Variants in POU2F2 observed in about 807,000 individuals in gnomAD.
POU2F2 encodes the protein POU domain, class 2, transcription factor 2.
A neutral mutation model predicts 63.5 loss-of-function variants in POU2F2; 14 were observed. That is an observed-to-expected ratio of 0.22 (90% CI 0.15 to 0.34). The LOEUF is 0.34. POU2F2 is among the 10% of genes least tolerant of loss of function. The pLI, the probability that POU2F2 is intolerant of heterozygous loss-of-function variation, is 1.00. For synonymous variants in POU2F2, 306 were observed against 348.6 expected (o/e 0.88, Z 1.36); for missense variants, 607 against 815.2 (o/e 0.74, Z 3.11).
intron 1 of POU2F2, among the ~76,000 whole-genome samples, chr19:42,166,886 A>T (rs1261187738): frequency 6.6e-6 from 1 of 152,086 alleles, no homozygotes; most frequent in Non-Finnish European, 1.5e-5. Flanking sequence ...TACCTCCACC[A>T]TTATATTGGG....
chr19:42,153,686 T>C lies in POU2F2; in HGVS notation c.-9+6646A>G, dbSNP rs1362414082. ...GTGTCTATGTGATGCTGTGTGTCCC[T>C]GTGTGCCGATGGTCGAGTGTGTTTC... On this transcript the variant is annotated intron_variant, in intron 2 of 6. Transcript: ENST00000524801. The surrounding 1 kb of genome is among the most constrained non-coding windows in gnomAD (Gnocchi z 5.6). Among the ~76,000 whole-genome samples, 1 of 152,138 alleles carries C rather than the reference T, an allele frequency of 6.6e-6. No individual in the cohort carries two copies. Among genetic ancestry groups the C allele is most frequent in the Non-Finnish European group, 1.5e-5 (1 of 68,008 alleles).
chr19:42,142,853 T>C (rs1327443920), intron 2 of POU2F2, among the ~76,000 whole-genome samples: 4 of 152,228 alleles, frequency 2.6e-5, no homozygotes, highest in African/African-American at 9.6e-5. Flanking sequence ...CATGAGCCAC[T>C]GTGCCTGGCC....
At chr19:42,194,618 G>C (rs1424629047) in intron 1 of POU2F2, among the ~76,000 whole-genome samples, 1 of 151,690 alleles carries the variant, frequency 6.6e-6, no homozygotes, top group Admixed American at 6.6e-5. Flanking sequence ...AATTAGCCGA[G>C]TATGGTGGCA....
intron 5 of POU2F2, among the ~76,000 whole-genome samples, chr19:42,101,073 T>C (rs1427275386): frequency 6.6e-6 from 1 of 152,150 alleles, no homozygotes; most frequent in African/African-American, 2.4e-5. Context: ...GTCTCTGCAC[T>C]GCAGCCTGGG....
At chr19:42,154,067 G>A (rs1460926539) in intron 2 of POU2F2, among the ~76,000 whole-genome samples, 1 of 150,796 alleles carries the variant, frequency 6.6e-6, no homozygotes, top group East Asian at 1.9e-4. Flanking sequence ...AGCGACCTCC[G>A]TCCCTCCCAA....
chr19:42,178,469 A>C (rs2034922536), upstream of POU2F2, among the ~76,000 whole-genome samples: 1 of 152,230 alleles, frequency 6.6e-6, no homozygotes, highest in Non-Finnish European at 1.5e-5. Context: ...AGAGATAGGA[A>C]GACATAGAGA....
intron 2 of POU2F2, among the ~76,000 whole-genome samples, chr19:42,141,849 A>C (rs1366252494): frequency 2.0e-5 from 3 of 152,160 alleles, no homozygotes; most frequent in Non-Finnish European, 4.4e-5. Flanking sequence ...CACTAACTAC[A>C]TCAAGATTTG....
At chr19:42,108,391 G>A (rs2030491345) in intron 5 of POU2F2, among the ~76,000 whole-genome samples, 1 of 152,122 alleles carries the variant, frequency 6.6e-6, no homozygotes, top group South Asian at 2.1e-4. Context: ...AGGAGTTCCA[G>A]ACCAGCCTGG....
rs1226973737 is a variant in POU2F2 at position 42,087,942 on chromosome 19, G to A, written c.*3315C>T. ...TAGTTTTGTTTCCCGGAGTCGAGACGGGGGACCAGAGTGTAAGGGGCAGAT... is the reference window on the plus strand; with the variant it reads ...TAGTTTTGTTTCCCGGAGTCGAGACAGGGGACCAGAGTGTAAGGGGCAGAT... On this transcript the variant is annotated 3_prime_UTR_variant, in exon 15 of 15. Coordinates refer to ENST00000692977, the MANE Select transcript of POU2F2 (RefSeq NM_001394376.1). 6.6e-6 allele frequency: 1 copy of A among 152,264 alleles called. No individual in the cohort carries two copies. Among genetic ancestry groups the A allele is most frequent in the African/African-American group, 2.4e-5 (1 of 41,400 alleles). 9.4% of individuals were successfully genotyped at this position (152,264 alleles called of 1,614,324 possible). A position where few individuals can be genotyped will look rare whatever the true frequency, so the allele number is the denominator to read the frequency against.
intron 1 of POU2F2, among the ~76,000 whole-genome samples, chr19:42,125,444 T>C (rs1027306539): frequency 6.6e-6 from 1 of 151,828 alleles, no homozygotes; most frequent in African/African-American, 2.4e-5. Flanking sequence ...CAGGTCCTGT[T>C]TCCTGGCCCT....
At chr19:42,149,207 C>A (rs2034291320) in intron 2 of POU2F2, among the ~76,000 whole-genome samples, 1 of 152,148 alleles carries the variant, frequency 6.6e-6, no homozygotes, top group Non-Finnish European at 1.5e-5. Flanking sequence ...TTGAGCAAAG[C>A]CACACAGCGC....
chr19:42,132,136 C>G (rs2033796899), intron 1 of POU2F2, among the ~76,000 whole-genome samples: 1 of 152,192 alleles, frequency 6.6e-6, no homozygotes. Flanking sequence ...CTCCCGTCCC[C>G]AGACCCTTCG....
In POU2F2 at chr19:42,086,730, T is replaced by TATAA. The variant is rs530557403; in HGVS notation, c.*4523_*4526dup. On this transcript the variant is annotated 3_prime_UTR_variant, in exon 15 of 15. Coordinates refer to ENST00000692977, the MANE Select transcript of POU2F2 (RefSeq NM_001394376.1). Reference sequence around the variant, plus strand: ...GAGGCCCCCAGTCACCCTGCAATTATATAAATAAATAAATACTGAGCCCCT... The same window carrying TATAA: ...GAGGCCCCCAGTCACCCTGCAATTATATAAATAAATAAATAAATACTGAGCCCCT... 1 of 151,900 alleles carries TATAA rather than the reference T, an allele frequency of 6.6e-6. No individual in the cohort carries two copies. The highest frequency in any genetic ancestry group is 6.6e-5 in the Admixed American group (1 of 15,234). The allele number at this position is 151,900 out of a possible 1,614,324, so 9.4% of individuals were successfully genotyped here. A position where few individuals can be genotyped will look rare whatever the true frequency, so the allele number is the denominator to read the frequency against.
chr19:42,150,606 T>C (rs1258157125), intron 2 of POU2F2, among the ~76,000 whole-genome samples: 2 of 142,688 alleles, frequency 1.4e-5, no homozygotes, highest in Admixed American at 1.4e-4. Context: ...GCGGCCGGCC[T>C]TCGCAGCGAC....
Position 42,122,190 on chromosome 19 carries a change from G to A in POU2F2, c.130-8C>T, listed in dbSNP as rs377595435. The A allele has an allele frequency of 1.9e-6, 3 of 1,611,326 alleles. No individual in the cohort carries two copies. The highest frequency in any genetic ancestry group is 2.7e-5 in the African/African-American group (2 of 74,962). ...GGTCTTATTTTGGGGGTTCTGCAAA[G>A]AGAAAGTAGGAGCAAGGGGATGGGA... On this transcript the variant is annotated splice_polypyrimidine_tract_variant and splice_region_variant and intron_variant, in intron 3 of 14. Coordinates refer to ENST00000692977, the MANE Select transcript of POU2F2 (RefSeq NM_001394376.1).
In POU2F2 at chr19:42,173,875, T is replaced by G. The variant is rs551742588; in HGVS notation, c.-70+2088A>C. Among the ~76,000 whole-genome samples the G allele has an allele frequency of 2.0e-5, 3 of 152,264 alleles. No homozygotes were observed. In the South Asian group the frequency reaches 6.2e-4, roughly 32 times the overall value. ...ATGGGCCTCTGTCCAGCATTACCCA[T>G]AAATCAGGAAGTAGATGTGGAATCG... On this transcript the variant is annotated intron_variant, in intron 1 of 6. Coordinates refer to the POU2F2 transcript ENST00000524801.
intron 14 of POU2F2, 121 bp downstream of exon 14, chr19:42,091,746 T>C: frequency 6.5e-7 from 1 of 1,549,892 alleles, no homozygotes; most frequent in Non-Finnish European, 8.7e-7. Context: ...GAGATGGGTA[T>C]GAAGAGGCAA....
In POU2F2 at chr19:42,113,334, A is replaced by C. The variant is rs1007957056; in HGVS notation, c.369+3916T>G. On this transcript the variant is annotated intron_variant, in intron 5 of 14. Coordinates refer to ENST00000692977, the MANE Select transcript of POU2F2 (RefSeq NM_001394376.1). ...GAAAATCTGCCGCAAAACATCCCTC[A>C]TTGATTCGGTAAATATCCACACAGC... Among the ~76,000 whole-genome samples, 13 of 152,312 alleles carry C rather than the reference A, an allele frequency of 8.5e-5. No individual in the cohort carries two copies. In the Middle Eastern group the frequency reaches 0.014, roughly 159 times the overall value.
chr19:42,175,669 T>C (rs913852532), intron 1 of POU2F2, among the ~76,000 whole-genome samples: 1 of 151,704 alleles, frequency 6.6e-6, no homozygotes, highest in African/African-American at 2.4e-5. Context: ...AGAAAGGACA[T>C]GAAAAGGGAA....
Sources: allele counts gnomAD v4.1 joint callset (sites outside exome capture counted in the v4.1 genomes callset), GRCh38; gene constraint gnomAD v4.1.1; non-coding constraint Gnocchi (gnomAD v3.1); transcripts MANE v1.5; gene names NCBI Gene and HGNC (gene_info 2026-07-23, HGNC 2026-07-21).